The following FER variants were observed in gnomAD, a reference collection of about 807,000 sequenced individuals.
FER encodes the protein FER tyrosine kinase, also known as tyrosine-protein kinase Fer.
Under a neutral mutation model 111.0 loss-of-function variants are expected in FER, and 63 were observed. That is an observed-to-expected ratio of 0.57 (90% CI 0.46 to 0.70). The LOEUF (loss-of-function observed/expected upper bound fraction) is 0.70, where lower values mean the gene tolerates loss of function less well. FER is among the 30% of genes least tolerant of loss of function. The pLI is 0.00. For synonymous variants in FER, 327 were observed against 313.9 expected (o/e 1.04, Z -0.44); for missense variants, 914 against 954.0 (o/e 0.96, Z 0.55).
At chr5:108,946,923 A>G (rs903618769) in intron 11 of FER, among the ~76,000 whole-genome samples, 1 of 152,056 alleles carries the variant, frequency 6.6e-6, no homozygotes, top group Middle Eastern at 3.2e-3. Flanking sequence ...TACACTGGAT[A>G]TTTCACATAA....
chr5:108,820,012 A>C (rs1052520898), intron 3 of FER: 4 of 985,414 alleles, frequency 4.1e-6, no homozygotes, highest in Middle Eastern at 1.0e-3. Flanking sequence ...AGAAAATAAC[A>C]GAACGGCTTG....
chr5:109,196,044 G>A lies in FER; in HGVS notation c.*8469G>A, dbSNP rs947440369. On this transcript the variant is annotated 3_prime_UTR_variant, in exon 20 of 20. Transcript: ENST00000281092. ...ACATAGAACCATATGGGAAAGCCCAGATGAAAAAATGGAAGAATAAAATCA... is the reference window on the plus strand; with the variant it reads ...ACATAGAACCATATGGGAAAGCCCAAATGAAAAAATGGAAGAATAAAATCA... 2.0e-5 allele frequency: 3 copies of A among 152,138 alleles called. No homozygotes were observed. The highest frequency in any genetic ancestry group is 4.4e-5 in the Non-Finnish European group (3 of 68,038). The allele number at this position is 152,138 out of a possible 1,614,324, so 9.4% of individuals were successfully genotyped here. A position where few individuals can be genotyped will look rare whatever the true frequency, so the allele number is the denominator to read the frequency against.
At chr5:108,980,047 G>GT (rs147024307) in intron 13 of FER, among the ~76,000 whole-genome samples, 3 of 151,610 alleles carry the variant, frequency 2.0e-5, no homozygotes, top group Non-Finnish European at 4.4e-5. Context: ...CAAAACTTTT[G>GT]TTTTTTTTCT....
rs75156476 is a variant in FER at position 109,194,789 on chromosome 5, G to A, written c.*7214G>A. On this transcript the variant is annotated 3_prime_UTR_variant, in exon 20 of 20. Coordinates refer to ENST00000281092, the MANE Select transcript of FER (RefSeq NM_005246.4). ...AGCAGCAAAAAACTGAGCAGGAAAGGAAACAGAATCCAAAGTCATTTTTCA... is the reference window on the plus strand; with the variant it reads ...AGCAGCAAAAAACTGAGCAGGAAAGAAAACAGAATCCAAAGTCATTTTTCA... 20,929 of 152,214 alleles carry A rather than the reference G, an allele frequency of 0.14. 1,443 individuals are homozygous for A. The highest frequency in any genetic ancestry group is 0.18 in the South Asian group (878 of 4,816). 9.4% of individuals were successfully genotyped at this position (152,214 alleles called of 1,614,324 possible). A position where few individuals can be genotyped will look rare whatever the true frequency, so the allele number is the denominator to read the frequency against.
At chr5:108,848,914 A>T (rs919216395) in intron 5 of FER, among the ~76,000 whole-genome samples, 1 of 152,056 alleles carries the variant, frequency 6.6e-6, no homozygotes, top group Non-Finnish European at 1.5e-5. Flanking sequence ...TCATTTTAAA[A>T]TATATTTTTT....
intron 10 of FER, among the ~76,000 whole-genome samples, chr5:108,915,967 A>G (rs921661624): frequency 6.6e-6 from 1 of 152,060 alleles, no homozygotes; most frequent in Non-Finnish European, 1.5e-5. Flanking sequence ...ACAGGGTACT[A>G]TGATATGACC....
chr5:108,811,596 A>T (rs1388894646), intron 3 of FER, among the ~76,000 whole-genome samples: 1 of 152,122 alleles, frequency 6.6e-6, no homozygotes, highest in Non-Finnish European at 1.5e-5. Context: ...CTATTTCTGT[A>T]TTAGGGTTTT....
At chr5:109,031,752 T>C (rs911877807) in intron 13 of FER, among the ~76,000 whole-genome samples, 21 of 152,218 alleles carry the variant, frequency 1.4e-4, no homozygotes, top group African/African-American at 2.2e-4. Context: ...ATCATATCCA[T>C]GTTCAAGACT....
chr5:108,840,368 C>T (rs1761134122), intron 5 of FER, among the ~76,000 whole-genome samples: 1 of 152,128 alleles, frequency 6.6e-6, no homozygotes, highest in Non-Finnish European at 1.5e-5. Flanking sequence ...ATTACTTTTG[C>T]ACCAATCTAA....
intron 13 of FER, among the ~76,000 whole-genome samples, chr5:108,999,802 T>G (rs1017413922): frequency 2.6e-5 from 4 of 152,080 alleles, no homozygotes; most frequent in Non-Finnish European, 4.4e-5. Context: ...CATCTTTTCC[T>G]GTGTGTATTA....
chr5:109,016,835 A>G, intron 13 of FER, among the ~76,000 whole-genome samples: 1 of 152,030 alleles, frequency 6.6e-6, no homozygotes, highest in East Asian at 1.9e-4. Flanking sequence ...CTTTATAGGT[A>G]GGGCTTTTAG....
intron 17 of FER, among the ~76,000 whole-genome samples, chr5:109,179,764 T>C (rs1392968671): frequency 6.6e-6 from 1 of 151,136 alleles, no homozygotes; most frequent in Non-Finnish European, 1.5e-5. Flanking sequence ...TATAGGATCA[T>C]GTGCATATGC....
chr5:108,809,106 C>T (rs1193904882), intron 3 of FER, among the ~76,000 whole-genome samples: 1 of 152,032 alleles, frequency 6.6e-6, no homozygotes, highest in Non-Finnish European at 1.5e-5. Context: ...CAGGTGTTAC[C>T]TGGATTTTTT....
At chr5:108,916,408 G>C (rs1413280357) in intron 10 of FER, among the ~76,000 whole-genome samples, 1 of 152,042 alleles carries the variant, frequency 6.6e-6, no homozygotes, top group Non-Finnish European at 1.5e-5. Context: ...AAAATGAAAT[G>C]GGAAATTTAG....
In FER at chr5:109,187,589, C is replaced by A; in HGVS notation, c.*14C>A. 6.2e-7 allele frequency: 1 copy of A among 1,613,910 alleles called. No homozygotes were observed. The highest frequency in any genetic ancestry group is 8.5e-7 in the Non-Finnish European group (1 of 1,179,942). On this transcript the variant is annotated 3_prime_UTR_variant, in exon 20 of 20. Coordinates refer to ENST00000281092, the MANE Select transcript of FER (RefSeq NM_005246.4). ...AAACTCACATAGTGACAGGATGGCG[C>A]CAAACTCAGCCTTCAGGACTCTGTC...
At chr5:108,850,027 TAAA>T (rs1232620968) in intron 5 of FER, among the ~76,000 whole-genome samples, 2 of 151,802 alleles carry the variant, frequency 1.3e-5, no homozygotes, top group African/African-American at 4.8e-5. Flanking sequence ...CCGTCTCTAC[TAAA>T]AAATGCAAAA....
chr5:109,093,577 T>A (rs1747092492), intron 16 of FER, among the ~76,000 whole-genome samples: 1 of 152,172 alleles, frequency 6.6e-6, no homozygotes, highest in Admixed American at 6.5e-5. Flanking sequence ...TCCACTGATA[T>A]CATTGTTTTG....
chr5:109,005,690 C>T (rs1419076852), intron 13 of FER, among the ~76,000 whole-genome samples: 1 of 152,174 alleles, frequency 6.6e-6, no homozygotes, highest in African/African-American at 2.4e-5. Context: ...TTTAGATACA[C>T]ATGCTCTTGC....
chr5:109,151,290 A>G (rs1370538747), intron 17 of FER, among the ~76,000 whole-genome samples: 2 of 152,156 alleles, frequency 1.3e-5, no homozygotes, highest in Non-Finnish European at 2.9e-5. Flanking sequence ...TGTTGGCAAG[A>G]CTACTAAATT....
Sources: allele counts gnomAD v4.1 joint callset (sites outside exome capture counted in the v4.1 genomes callset), GRCh38; gene constraint gnomAD v4.1.1; transcripts MANE v1.5; gene names NCBI Gene and HGNC (gene_info 2026-07-23, HGNC 2026-07-21).